Variants in ALPK1 observed in about 807,000 individuals in gnomAD.
ALPK1 encodes alpha-protein kinase 1.
A neutral mutation model predicts 120.6 loss-of-function variants in ALPK1; 110 were observed. That is an observed-to-expected ratio of 0.91 (90% confidence interval 0.78 to 1.07). The LOEUF is 1.07. ALPK1 is among the 50% of genes least tolerant of loss of function. The pLI, the probability that ALPK1 is intolerant of heterozygous loss-of-function variation, is 0.00. For missense variants in ALPK1, 1,498 were observed against 1,483.9 expected, an observed-to-expected ratio of 1.01 and a Z score of -0.16; for synonymous variants, 582 against 560.3, an observed-to-expected ratio of 1.04 and a Z score of -0.55.
chr4:112,413,793 A>G (rs1348810331), intron 5 of ALPK1, among the ~76,000 whole-genome samples: 2 of 152,192 alleles, frequency 1.3e-5, no homozygotes, highest in Non-Finnish European at 2.9e-5. Flanking sequence ...CAGGTGGTAT[A>G]GCAGTTTTCT....
intron 8 of ALPK1, among the ~76,000 whole-genome samples, chr4:112,426,912 C>T (rs771603723): frequency 6.6e-6 from 1 of 152,144 alleles, no homozygotes; most frequent in Admixed American, 6.5e-5. Context: ...GTTGAGTGGG[C>T]GAAGACTTCA....
At chr4:112,357,695 G>C in intron 2 of ALPK1, 1 of 1,586,406 alleles carries the variant, frequency 6.3e-7, no homozygotes, top group East Asian at 2.2e-5. Flanking sequence ...GCCCAGTTGA[G>C]CTCCGCGTTT....
chr4:112,368,426 A>G (rs1378288444), intron 2 of ALPK1, among the ~76,000 whole-genome samples: 4 of 152,160 alleles, frequency 2.6e-5, no homozygotes, highest in Admixed American at 2.6e-4. Context: ...TCCATTATCT[A>G]AAGTCTTTGT....
intron 9 of ALPK1, chr4:112,428,000 A>G: frequency 5.0e-6 from 1 of 198,596 alleles, no homozygotes; most frequent in Non-Finnish European, 1.0e-5. Context: ...TTGATGATAA[A>G]GGGGTAATAA....
chr4:112,377,565 C>G (rs1223744690), intron 2 of ALPK1, 113 bp from the exon 3 acceptor site: 2 of 386,024 alleles, frequency 5.2e-6, no homozygotes, highest in South Asian at 8.2e-5. Context: ...ATAAAGTCCT[C>G]GGGGGCTGTC....
At chr4:112,304,817 C>T (rs1727957056) in intron 1 of ALPK1, among the ~76,000 whole-genome samples, 1 of 152,056 alleles carries the variant, frequency 6.6e-6, no homozygotes, top group South Asian at 2.1e-4. Context: ...GACATGAAGT[C>T]CTTGCCCATG....
In ALPK1 at chr4:112,367,222, G is replaced by T. The variant is rs140286408; in HGVS notation, c.-100-10456G>T. ...AAATAAAATAAATAAGTAAATAAAA[G>T]GTAGATTATGAAACAGTGTATACAC... On this transcript the variant is annotated intron_variant, in intron 2 of 15. Transcript: ENST00000650871. 3.6e-3 allele frequency among the ~76,000 whole-genome samples: 548 copies of T among 152,208 alleles called. 2 individuals carry two copies. Among genetic ancestry groups the T allele is most frequent in the Middle Eastern group, 0.014 (4 of 294 alleles).
At chr4:112,370,071 TA>T (rs1271757750) in intron 2 of ALPK1, among the ~76,000 whole-genome samples, 1 of 152,196 alleles carries the variant, frequency 6.6e-6, no homozygotes, top group African/African-American at 2.4e-5. Flanking sequence ...TATTCCCTAA[TA>T]GGGGTACTAA....
At chr4:112,423,158 T>G (rs1734073833) in intron 5 of ALPK1, among the ~76,000 whole-genome samples, 1 of 152,174 alleles carries the variant, frequency 6.6e-6, no homozygotes. Context: ...AGGGGAGGCC[T>G]TCAGAGACAG....
chr4:112,367,636 C>T (rs551707304), intron 2 of ALPK1, among the ~76,000 whole-genome samples: 2 of 152,176 alleles, frequency 1.3e-5, no homozygotes, highest in South Asian at 2.1e-4. Flanking sequence ...ACCATTCTCC[C>T]GTGGATACAG....
At chr4:112,419,848 TA>T (rs754655695) in intron 5 of ALPK1, among the ~76,000 whole-genome samples, 12 of 152,242 alleles carry the variant, frequency 7.9e-5, no homozygotes, top group Non-Finnish European at 1.5e-4. Context: ...TTATCCTCTG[TA>T]AGGCCCATTT....
chr4:112,365,108 T>C (rs1005802345), intron 2 of ALPK1, among the ~76,000 whole-genome samples: 2 of 152,104 alleles, frequency 1.3e-5, no homozygotes, highest in South Asian at 2.1e-4. Context: ...TCATACTGAA[T>C]GTGGAAAAGT....
Position 112,438,526 on chromosome 4 carries a change from C to G in ALPK1, c.3231C>G (p.His1077Gln). Residue 1077 changes from histidine (H) to glutamine (Q), a missense_variant, in exon 13 of 16, where the codon CAC becomes CAG. His to Gln is a conservative substitution (Grantham distance 24). Coordinates refer to ENST00000650871, the MANE Select transcript of ALPK1 (RefSeq NM_025144.4). ...ATAAGGAGCAGAAGGGGCTCTGGCACCACTTCACTGATGTGGAGCGACAGA... is the reference window on the plus strand; with the variant it reads ...ATAAGGAGCAGAAGGGGCTCTGGCAGCACTTCACTGATGTGGAGCGACAGA... ...KDYKEQKGLW[H>Q]HFTDVERQMT... 1 of 1,613,784 alleles carries G rather than the reference C, an allele frequency of 6.2e-7. No individual in the cohort carries two copies. The highest frequency in any genetic ancestry group is 8.5e-7 in the Non-Finnish European group (1 of 1,179,806).
chr4:112,433,087 A>G (rs1023049534), intron 11 of ALPK1, among the ~76,000 whole-genome samples: 2 of 152,182 alleles, frequency 1.3e-5, no homozygotes, highest in Admixed American at 6.5e-5. Context: ...CTAGTTAAAT[A>G]TCATCTTTCT....
chr4:112,355,891 A>C (rs1201663029), intron 2 of ALPK1, among the ~76,000 whole-genome samples: 1 of 152,242 alleles, frequency 6.6e-6, no homozygotes, highest in African/African-American at 2.4e-5. Context: ...ACCCGGTGGC[A>C]GCGCTCGACT....
chr4:112,348,118 G>A (rs1178022063), intron 2 of ALPK1, among the ~76,000 whole-genome samples: 2 of 152,152 alleles, frequency 1.3e-5, no homozygotes, highest in Non-Finnish European at 1.5e-5. Flanking sequence ...GAGCACATTT[G>A]CTCTGCAACT....
At chr4:112,341,856 A>C (rs1018202866) in intron 2 of ALPK1, among the ~76,000 whole-genome samples, 3 of 152,252 alleles carry the variant, frequency 2.0e-5, no homozygotes, top group African/African-American at 7.2e-5. Context: ...GTATTACAGC[A>C]TAATAAGTCA....
At chr4:112,429,301 G>A in intron 10 of ALPK1, 48 bp downstream of exon 10, 1 of 1,462,310 alleles carries the variant, frequency 6.8e-7, no homozygotes, top group Non-Finnish European at 9.4e-7. Flanking sequence ...CCTCTCCCAG[G>A]GTGCTTTCTG....
intron 2 of ALPK1, chr4:112,357,628 C>T: frequency 6.2e-7 from 1 of 1,607,788 alleles, no homozygotes; most frequent in Non-Finnish European, 8.5e-7. Context: ...GGAGAACCCA[C>T]ACATCATCGA....
Sources: gnomAD v4.1 joint callset for allele counts (sites outside exome capture counted in the v4.1 genomes callset) on GRCh38, gnomAD v4.1.1 for gene constraint, MANE v1.5 for transcripts, NCBI Gene and HGNC (gene_info 2026-07-23, HGNC 2026-07-21) for gene names.